The following PATL2 variants were observed in gnomAD, a reference collection of about 807,000 sequenced individuals.
The protein encoded by PATL2 is protein PAT1 homolog 2.
PATL2 carries 73 observed loss-of-function variants against 77.0 expected under a neutral mutation model. The ratio of observed to expected loss-of-function variants is 0.95; its 90% confidence interval spans 0.78 to 1.15. The LOEUF is 1.15. Ranked by LOEUF, PATL2 falls within the 50% of genes most tolerant of loss-of-function variation. The pLI is 0.00. For missense variants in PATL2, 618 were observed against 655.4 expected (o/e 0.94, Z 0.62); for synonymous variants, 265 against 257.1 (o/e 1.03, Z -0.29).
At chr15:44,678,861 A>AT (rs573840168) in intron 3 of PATL2, among the ~76,000 whole-genome samples, 1 of 152,176 alleles carries the variant, frequency 6.6e-6, no homozygotes, top group Admixed American at 6.5e-5. Flanking sequence ...TTATGGGGAG[A>AT]TTTTTTATCC....
At chr15:44,700,433 C>G (rs556566380) in intron 3 of PATL2, among the ~76,000 whole-genome samples, 1 of 152,214 alleles carries the variant, frequency 6.6e-6, no homozygotes, top group Non-Finnish European at 1.5e-5. Flanking sequence ...TCCCTAGTAG[C>G]TGAGACTACA....
chr15:44,667,390 C>T, intron 15 of PATL2, 187 bp from the exon 16 acceptor site: 1 of 563,600 alleles, frequency 1.8e-6, no homozygotes, highest in Non-Finnish European at 3.2e-6. Context: ...CCATAGGAAT[C>T]ACTGCTCTGA....
chr15:44,675,545 C>G lies in PATL2; in HGVS notation c.163G>C (p.Glu55Gln). Residue 55 changes from glutamate to glutamine, a missense_variant, in exon 5 of 18, where the codon GAG becomes CAG. Glu to Gln is a conservative substitution (Grantham distance 29). Coordinates refer to ENST00000682850, the MANE Select transcript of PATL2 (RefSeq NM_001387263.1). Reference protein sequence around the residue: ...DLDPDLDPDLEEEENDLGDPA... With the variant: ...DLDPDLDPDLQEEENDLGDPA... ...TCCCCAAGATCATTCTCTTCCTCCT[C>G]TAGGTCTGGGTCCAGATCTGGGTCC... 1.3e-6 allele frequency: 2 copies of G among 1,551,966 alleles called. No homozygotes were observed. Among genetic ancestry groups the G allele is most frequent in the Middle Eastern group, 1.7e-4 (1 of 5,996 alleles).
intron 8 of PATL2, 51 bp downstream of exon 8, chr15:44,672,337 C>T: frequency 6.5e-7 from 1 of 1,537,058 alleles, no homozygotes. Flanking sequence ...CAAGGGGAGA[C>T]CCGGCATGCA....
intron 3 of PATL2, among the ~76,000 whole-genome samples, chr15:44,678,717 AG>A (rs2141221549): frequency 6.6e-6 from 1 of 152,286 alleles, no homozygotes; most frequent in Non-Finnish European, 1.5e-5. Flanking sequence ...AAGCTGAGGC[AG>A]GAGGATAGCT....
chr15:44,681,217 C>T (rs1414506163), intron 3 of PATL2, among the ~76,000 whole-genome samples: 1 of 152,112 alleles, frequency 6.6e-6, no homozygotes, highest in Non-Finnish European at 1.5e-5. Flanking sequence ...TGGCGTCTCG[C>T]TTTTTTGCCC....
At position 44,687,865 on chromosome 15, in the gene PATL2, A is replaced by G. The variant is rs529751108; in HGVS notation, c.-75-11300T>C. 3.3e-4 allele frequency among the ~76,000 whole-genome samples: 50 copies of G among 152,350 alleles called. 3 individuals carry two copies. In the South Asian group the frequency reaches 0.01, roughly 31 times the overall value. ...ACAAGTCATGTGAAGGACCTCTTCAAGGAGAACTACAAACCACTCCTCAAG... is the reference window on the plus strand; with the variant it reads ...ACAAGTCATGTGAAGGACCTCTTCAGGGAGAACTACAAACCACTCCTCAAG... On this transcript the variant is annotated intron_variant, in intron 3 of 17. Transcript: ENST00000682850.
intron 3 of PATL2, among the ~76,000 whole-genome samples, chr15:44,709,517 AC>A (rs1199904852): frequency 6.6e-6 from 1 of 152,106 alleles, no homozygotes; most frequent in Non-Finnish European, 1.5e-5. Flanking sequence ...CTCTGTCTCC[AC>A]AAAAATATTA....
At chr15:44,685,900 T>C (rs112791806) in intron 3 of PATL2, among the ~76,000 whole-genome samples, 1 of 152,160 alleles carries the variant, frequency 6.6e-6, no homozygotes, top group Non-Finnish European at 1.5e-5. Context: ...GCACCCAGAT[T>C]CATAAAGCAA....
intron 3 of PATL2, among the ~76,000 whole-genome samples, chr15:44,682,331 C>T (rs1372957016): frequency 6.6e-6 from 1 of 152,204 alleles, no homozygotes; most frequent in Non-Finnish European, 1.5e-5. Context: ...GATAGGCACC[C>T]TTATGTGTGC....
intron 3 of PATL2, among the ~76,000 whole-genome samples, chr15:44,687,661 T>C (rs2086290907): frequency 1.3e-5 from 2 of 152,178 alleles, no homozygotes; most frequent in Non-Finnish European, 2.9e-5. Flanking sequence ...GAAAACCCCA[T>C]AGTCTCAGCC....
intron 6 of PATL2, among the ~76,000 whole-genome samples, chr15:44,673,783 G>T (rs1410208459): frequency 1.3e-5 from 2 of 152,146 alleles, no homozygotes; most frequent in Non-Finnish European, 2.9e-5. Flanking sequence ...GGATATCCTG[G>T]TTCTTGAATT....
intron 3 of PATL2, 167 bp from the exon 4 acceptor site, chr15:44,676,732 C>G (rs1405709431): frequency 8.0e-7 from 1 of 1,248,792 alleles, no homozygotes; most frequent in Non-Finnish European, 1.1e-6. Flanking sequence ...CCCACCCTCC[C>G]AGCTCGGCTC....
Position 44,668,373 on chromosome 15 carries a change from T to G in PATL2, c.1334A>C (p.Glu445Ala). The change falls in exon 15 of 18, where the codon GAG becomes GCG. Residue 445 changes from glutamate to alanine, a missense_variant. Coordinates refer to ENST00000682850, the MANE Select transcript of PATL2 (RefSeq NM_001387263.1). ...CTGAAGCACCACGGTGACTGGCCGC[T>G]CTGAGGAGCCAGGTGGCAACAGCGT... ...GLTLLPPGSS[E>A]RPVTVVLQNQ... 6.4e-7 allele frequency: 1 copy of G among 1,551,084 alleles called. No individual in the cohort carries two copies.
chr15:44,673,408 C>T (rs897508116), intron 6 of PATL2, 31 bp from the exon 7 acceptor site: 91 of 1,549,982 alleles, frequency 5.9e-5, no homozygotes, highest in African/African-American at 1.5e-4. Context: ...TCTGGGAGAA[C>T]GCCATCTCCA....
At chr15:44,668,090 T>G (rs563351285) in intron 15 of PATL2, among the ~76,000 whole-genome samples, 1 of 152,212 alleles carries the variant, frequency 6.6e-6, no homozygotes, top group South Asian at 2.1e-4. Context: ...GAGACTCACA[T>G]CAGCAGCAAT....
intron 3 of PATL2, among the ~76,000 whole-genome samples, chr15:44,681,166 A>ACAC (rs2086125816): frequency 6.6e-6 from 1 of 152,170 alleles, no homozygotes; most frequent in African/African-American, 2.4e-5. Flanking sequence ...ACTACGGCAT[A>ACAC]CACCACCACA....
At position 44,705,895 on chromosome 15, in the gene PATL2, A is replaced by T. The variant is rs532354432; in HGVS notation, c.-76+4201T>A. Reference sequence around the variant, plus strand: ...TGGCTCACTGAATCTCCGCCTCCCAAGTTTAAGCAATTCTCCTGCCTCAGC... The same window carrying T: ...TGGCTCACTGAATCTCCGCCTCCCATGTTTAAGCAATTCTCCTGCCTCAGC... On this transcript the variant is annotated intron_variant, in intron 3 of 17. Coordinates refer to ENST00000682850, the MANE Select transcript of PATL2 (RefSeq NM_001387263.1). 4.0e-5 allele frequency among the ~76,000 whole-genome samples: 6 copies of T among 148,542 alleles called. 1 individual carries two copies. In the South Asian group the frequency reaches 1.3e-3, roughly 31 times the overall value.
chr15:44,668,106 A>C (rs2085474627), intron 15 of PATL2, among the ~76,000 whole-genome samples: 1 of 152,170 alleles, frequency 6.6e-6, no homozygotes, highest in South Asian at 2.1e-4. Flanking sequence ...GCAATCAGGG[A>C]GCTTATTAGA....
Sources: allele counts gnomAD v4.1 joint callset (sites outside exome capture counted in the v4.1 genomes callset), GRCh38; gene constraint gnomAD v4.1.1; transcripts MANE v1.5; gene names NCBI Gene and HGNC (gene_info 2026-07-23, HGNC 2026-07-21).